Variants in FNBP1 observed in about 807,000 individuals in gnomAD.
The protein encoded by FNBP1 is formin-binding protein 1.
FNBP1 carries 26 observed loss-of-function variants against 90.6 expected under a neutral mutation model. The ratio of observed to expected loss-of-function variants is 0.29; its 90% CI spans 0.21 to 0.40. FNBP1 has a LOEUF of 0.40. FNBP1 is among the 10% of genes least tolerant of loss of function. The pLI is 1.00. For synonymous variants in FNBP1, 260 were observed against 265.2 expected, an observed-to-expected ratio of 0.98 and a Z score of 0.19; for missense variants, 635 against 768.0, an observed-to-expected ratio of 0.83 and a Z score of 2.05.
chr9:129,910,485 A>AG, intron 11 of FNBP1, among the ~76,000 whole-genome samples: 4 of 136,756 alleles, frequency 2.9e-5, no homozygotes, highest in African/African-American at 1.0e-4. Flanking sequence ...CCATCTCAAA[A>AG]AAACAAAAAA....
chr9:129,910,395 T>C (rs2039015434), intron 11 of FNBP1, among the ~76,000 whole-genome samples: 1 of 150,342 alleles, frequency 6.7e-6, no homozygotes, highest in Non-Finnish European at 1.5e-5. Flanking sequence ...GGCAGGAGAA[T>C]TGCTTGAACC....
intron 1 of FNBP1, among the ~76,000 whole-genome samples, chr9:130,022,366 G>A (rs977781489): frequency 6.6e-6 from 1 of 151,294 alleles, no homozygotes; most frequent in African/African-American, 2.4e-5. Flanking sequence ...CAAGATGCCC[G>A]GTTAATTTTT....
chr9:129,963,634 T>A (rs72757272), intron 4 of FNBP1, among the ~76,000 whole-genome samples: 2,815 of 107,716 alleles, frequency 0.026, 130 homozygotes, highest in African/African-American at 0.093. Flanking sequence ...TTTTTTTTTT[T>A]AAAAAAACAA....
chr9:129,969,998 C>G (rs1262943403), intron 4 of FNBP1, among the ~76,000 whole-genome samples: 2 of 149,310 alleles, frequency 1.3e-5, no homozygotes, highest in Non-Finnish European at 3.0e-5. Flanking sequence ...ACGCCATTCT[C>G]CTGCCTCAGC....
intron 1 of FNBP1, among the ~76,000 whole-genome samples, chr9:130,004,454 TCTC>T (rs1248588446): frequency 6.6e-6 from 1 of 152,150 alleles, no homozygotes; most frequent in Non-Finnish European, 1.5e-5. Context: ...AAGGGAATGA[TCTC>T]CTCCACACTA....
At chr9:130,017,875 T>G (rs889381077) in intron 1 of FNBP1, among the ~76,000 whole-genome samples, 67 of 149,404 alleles carry the variant, frequency 4.5e-4, no homozygotes, top group Non-Finnish European at 8.2e-4. Context: ...AACGTGGTTT[T>G]TTTTTTTTTT....
At chr9:129,936,766 T>C (rs1457037263) in intron 6 of FNBP1, among the ~76,000 whole-genome samples, 1 of 152,186 alleles carries the variant, frequency 6.6e-6, no homozygotes, top group Admixed American at 6.5e-5. Context: ...TAGAGGCCAC[T>C]GGATATTATT....
chr9:129,907,580 G>GGGGGGTGTGT (rs942734835), intron 12 of FNBP1, among the ~76,000 whole-genome samples: 1 of 147,108 alleles, frequency 6.8e-6, no homozygotes, highest in African/African-American at 2.5e-5. Context: ...TAGGAGTGAG[G>GGGGGGTGTGT]GTGTGTGTGT....
chr9:130,023,890 G>C (rs756360876), intron 1 of FNBP1, among the ~76,000 whole-genome samples: 32 of 151,892 alleles, frequency 2.1e-4, no homozygotes, highest in Non-Finnish European at 3.8e-4. Context: ...CATGTCCCTA[G>C]GACTGGCCCA....
Position 129,887,220 on chromosome 9 carries a change from CAT to C in FNBP1, c.*3317_*3318del, listed in dbSNP as rs1365813681. The C allele has an allele frequency of 5.5e-6, 1 of 181,392 alleles. No homozygotes were observed. The highest frequency in any genetic ancestry group is 1.2e-5 in the Non-Finnish European group (1 of 84,922). 11.2% of individuals were successfully genotyped at this position (181,392 alleles called of 1,614,324 possible). A position where few individuals can be genotyped will look rare whatever the true frequency, so the allele number is the denominator to read the frequency against. On this transcript the variant is annotated 3_prime_UTR_variant, in exon 17 of 17. Transcript: ENST00000446176. ...ATATTTTATTTTAACACGAGATTAA[CAT>C]ATAGTTACAAGGTCAATACAAGCCT... is the stretch of plus-strand genomic sequence containing the variant.
rs2034902445 is a variant in FNBP1 at position 129,889,056 on chromosome 9, G to A, written c.*1483C>T. The A allele has an allele frequency of 4.5e-6, 1 of 221,126 alleles. No individual in the cohort carries two copies. The highest frequency in any genetic ancestry group is 8.9e-6 in the Non-Finnish European group (1 of 112,732). The allele number at this position is 221,126 out of a possible 1,614,324, so 13.7% of individuals were successfully genotyped here. A position where few individuals can be genotyped will look rare whatever the true frequency, so the allele number is the denominator to read the frequency against. On this transcript the variant is annotated 3_prime_UTR_variant, in exon 17 of 17. Coordinates refer to ENST00000446176, the MANE Select transcript of FNBP1 (RefSeq NM_015033.3). ...ACTGTTTCTGCACCAAATGAGAGGA[G>A]GGGCTGCTCTGCTCTAAGGCGTGGC... is the stretch of plus-strand genomic sequence containing the variant.
In FNBP1 at chr9:129,978,512, C is replaced by G; in HGVS notation, c.298G>C (p.Val100Leu). 6.2e-7 allele frequency: 1 copy of G among 1,613,780 alleles called. No homozygotes were observed. Among genetic ancestry groups the G allele is most frequent in the Non-Finnish European group, 8.5e-7 (1 of 1,179,760 alleles). The change falls in exon 4 of 17, where the codon GTG becomes CTG. Residue 100 changes from valine to leucine, a missense_variant. Physicochemically the swap from Val to Leu is conservative, Grantham distance 32. Coordinates refer to ENST00000446176, the MANE Select transcript of FNBP1 (RefSeq NM_015033.3). ...ISENMASQII[V>L]DLARYVQELK... ...TCCTGAACATAGCGTGCCAAGTCCACAATGATCTGTGATGCCATGTTCTCG... is the reference window on the plus strand; with the variant it reads ...TCCTGAACATAGCGTGCCAAGTCCAGAATGATCTGTGATGCCATGTTCTCG...
At chr9:129,905,885 T>TC (rs917930453) in intron 12 of FNBP1, among the ~76,000 whole-genome samples, 3 of 151,220 alleles carry the variant, frequency 2.0e-5, no homozygotes, top group Non-Finnish European at 2.9e-5. Flanking sequence ...ATTTCTTTTT[T>TC]TTTTTGTTTT....
rs1469139697 is a variant in FNBP1, at chr9:129,994,964, GA to G, written c.25-7del. ...TCTAAGTTGTCAAACTGATCCTGTT[GA>G]AACAAACCAAGAGAGAAGTTATGGT... On this transcript the variant is annotated splice_region_variant and splice_polypyrimidine_tract_variant and intron_variant, in intron 1 of 16. Transcript: ENST00000446176. The G allele has an allele frequency of 1.5e-6, 2 of 1,322,356 alleles. No individual in the cohort carries two copies. The highest frequency in any genetic ancestry group is 2.2e-6 in the Non-Finnish European group (2 of 920,362). The allele number at this position is 1,322,356 out of a possible 1,614,324, so 81.9% of individuals were successfully genotyped here. A position where few individuals can be genotyped will look rare whatever the true frequency, so the allele number is the denominator to read the frequency against.
At chr9:129,978,720 C>G in intron 3 of FNBP1, 108 bp from the exon 4 acceptor site, 1 of 1,043,238 alleles carries the variant, frequency 9.6e-7, no homozygotes. Flanking sequence ...TGGCATCCAC[C>G]TCCCATAGGA....
intron 15 of FNBP1, among the ~76,000 whole-genome samples, chr9:129,897,787 T>C (rs953167167): frequency 3.3e-5 from 5 of 151,924 alleles, no homozygotes; most frequent in African/African-American, 1.2e-4. Flanking sequence ...CTGCAGGACA[T>C]CGTTTCAAGG....
At chr9:130,048,873 TG>T in the FNBP1 span, among the ~76,000 whole-genome samples, 1 of 129,184 alleles carries the variant, frequency 7.7e-6, no homozygotes, top group Middle Eastern at 5.4e-3. Context: ...CTCCGCCTCC[TG>T]GGTTCAAGCC....
intron 4 of FNBP1, among the ~76,000 whole-genome samples, chr9:129,974,773 T>C (rs1785683729): frequency 6.7e-6 from 1 of 148,886 alleles, no homozygotes; most frequent in South Asian, 2.1e-4. Context: ...GATAGGAGGA[T>C]CATTTGACTT....
chr9:129,949,324 C>T (rs1267916055), intron 6 of FNBP1, among the ~76,000 whole-genome samples: 2 of 152,140 alleles, frequency 1.3e-5, no homozygotes, highest in Admixed American at 6.6e-5. Context: ...TTCATTTTTC[C>T]TCTAAGGAAC....
Sources: gnomAD v4.1 joint callset for allele counts (sites outside exome capture counted in the v4.1 genomes callset) on GRCh38, gnomAD v4.1.1 for gene constraint, MANE v1.5 for transcripts, NCBI Gene and HGNC (gene_info 2026-07-23, HGNC 2026-07-21) for gene names.